Variants in SAMMSON observed in about 807,000 individuals in gnomAD.
SAMMSON encodes the protein long intergenic non-protein coding RNA 1212.
intron 3 of SAMMSON, among the ~76,000 whole-genome samples, chr3:70,049,832 T>C (rs562896698): frequency 6.6e-6 from 1 of 152,110 alleles, no homozygotes; most frequent in African/African-American, 2.4e-5. Context: ...TGTGATCTCA[T>C]AGAAATATAT....
chr3:70,386,705 A>G (rs1298448885), intron 9 of SAMMSON, among the ~76,000 whole-genome samples: 1 of 152,110 alleles, frequency 6.6e-6, no homozygotes, highest in African/African-American at 2.4e-5. Context: ...AATTTCCCTT[A>G]TAAAGTTCCA....
intron 2 of SAMMSON, among the ~76,000 whole-genome samples, chr3:70,409,529 G>A (rs960154596): frequency 2.6e-5 from 4 of 151,684 alleles, no homozygotes; most frequent in African/African-American, 7.3e-5. Context: ...GGAATGTGTA[G>A]ACATGTATTT....
At chr3:70,214,875 G>T (rs1314531435) in intron 4 of SAMMSON, among the ~76,000 whole-genome samples, 2 of 151,938 alleles carry the variant, frequency 1.3e-5, no homozygotes, top group Non-Finnish European at 2.9e-5. Flanking sequence ...TAAAGATTAT[G>T]TTATCTGAGA....
chr3:70,244,628 T>C (rs1701689803), intron 4 of SAMMSON, among the ~76,000 whole-genome samples: 1 of 152,216 alleles, frequency 6.6e-6, no homozygotes, highest in Non-Finnish European at 1.5e-5. Context: ...CAGCCAGCTG[T>C]AAGTCTCTTT....
At chr3:70,361,029 C>T (rs1702866964) in intron 9 of SAMMSON, among the ~76,000 whole-genome samples, 1 of 152,084 alleles carries the variant, frequency 6.6e-6, no homozygotes, top group African/African-American at 2.4e-5. Flanking sequence ...GGTACTTAAC[C>T]ATCCCTGTAT....
chr3:70,346,014 A>G (rs1392342886), intron 7 of SAMMSON, among the ~76,000 whole-genome samples: 3 of 152,192 alleles, frequency 2.0e-5, no homozygotes, highest in Non-Finnish European at 4.4e-5. Context: ...CAATTGCTGG[A>G]TCATAGGACA....
intron 7 of SAMMSON, among the ~76,000 whole-genome samples, chr3:70,317,602 A>C (rs1201821046): frequency 6.6e-6 from 1 of 151,324 alleles, no homozygotes; most frequent in Non-Finnish European, 1.5e-5. Context: ...GTATGTATAT[A>C]TATATGTATG....
At chr3:70,328,367 A>G (rs1355622433) in intron 7 of SAMMSON, among the ~76,000 whole-genome samples, 1 of 152,190 alleles carries the variant, frequency 6.6e-6, no homozygotes, top group Non-Finnish European at 1.5e-5. Context: ...CACTGAAATG[A>G]CATAGGTGAT....
intron 4 of SAMMSON, among the ~76,000 whole-genome samples, chr3:70,235,820 A>T (rs1701601032): frequency 6.6e-6 from 1 of 152,238 alleles, no homozygotes; most frequent in South Asian, 2.1e-4. Flanking sequence ...AAATAATTAT[A>T]GCATTGTTTC....
At chr3:70,343,325 G>A (rs977008041) in intron 7 of SAMMSON, among the ~76,000 whole-genome samples, 1 of 151,734 alleles carries the variant, frequency 6.6e-6, no homozygotes, top group Non-Finnish European at 1.5e-5. Flanking sequence ...TTCGGTTCCA[G>A]GATGTCATAT....
intron 2 of SAMMSON, among the ~76,000 whole-genome samples, chr3:70,401,131 G>A (rs532076648): frequency 1.3e-5 from 2 of 151,714 alleles, no homozygotes; most frequent in Non-Finnish European, 2.9e-5. Context: ...ATTCTTGTTT[G>A]CACTAGTAAT....
intron 4 of SAMMSON, chr3:70,072,285 A>G (rs978778424): frequency 1.3e-5 from 2 of 151,968 alleles, no homozygotes; most frequent in African/African-American, 4.8e-5. Flanking sequence ...CTGAAATGAA[A>G]ACAGAATGGA....
intron 2 of SAMMSON, among the ~76,000 whole-genome samples, chr3:70,408,081 C>T (rs1270122173): frequency 2.0e-5 from 3 of 152,242 alleles, no homozygotes; most frequent in Non-Finnish European, 4.4e-5. Context: ...AGGTTGGTCT[C>T]TTTCAACCAC....
intron 4 of SAMMSON, among the ~76,000 whole-genome samples, chr3:70,204,055 G>C (rs1395308693): frequency 1.3e-5 from 2 of 152,142 alleles, no homozygotes; most frequent in Non-Finnish European, 2.9e-5. Context: ...ACCATGAACT[G>C]TGCTAATGGA....
At chr3:70,093,404 A>G (rs1559789638) in intron 4 of SAMMSON, among the ~76,000 whole-genome samples, 1 of 152,202 alleles carries the variant, frequency 6.6e-6, no homozygotes, top group Non-Finnish European at 1.5e-5. Context: ...CTTGAGGATG[A>G]TACTATCTTA....
intron 4 of SAMMSON, among the ~76,000 whole-genome samples, chr3:70,244,560 AAAG>A (rs962969063): frequency 1.3e-5 from 2 of 152,222 alleles, no homozygotes; most frequent in Non-Finnish European, 2.9e-5. Context: ...TGGGATGTAA[AAAG>A]AAGAAGAGAC....
intron 6 of SAMMSON, among the ~76,000 whole-genome samples, chr3:70,284,408 A>C (rs1036496659): frequency 6.6e-6 from 1 of 152,178 alleles, no homozygotes; most frequent in Non-Finnish European, 1.5e-5. Context: ...CTAAAAACAA[A>C]AGCAAAAACA....
At chr3:70,361,582 CAT>C (rs1702870889) in intron 9 of SAMMSON, among the ~76,000 whole-genome samples, 1 of 152,184 alleles carries the variant, frequency 6.6e-6, no homozygotes, top group African/African-American at 2.4e-5. Context: ...ATTTACGAGA[CAT>C]ATGTAGACAC....
At chr3:70,024,677 T>C (rs1414901358) in intron 3 of SAMMSON, 1 of 152,214 alleles carries the variant, frequency 6.6e-6, no homozygotes, top group African/African-American at 2.4e-5. Context: ...CATTCGGATT[T>C]TCCTTTGTTG....
Sources: allele counts gnomAD v4.1 joint callset (sites outside exome capture counted in the v4.1 genomes callset), GRCh38; gene constraint gnomAD v4.1.1; transcripts MANE v1.5; gene names NCBI Gene and HGNC (gene_info 2026-07-23, HGNC 2026-07-21).